CD7: variants seen among roughly 807,000 people sequenced by gnomAD.
CD7 encodes T-cell antigen CD7.
Under a neutral mutation model 17.6 loss-of-function variants are expected in CD7, and 19 were observed. That is an observed-to-expected ratio of 1.08 (90% confidence interval 0.75 to 1.58). CD7 has a LOEUF of 1.58. Among genes scored for constraint, CD7 ranks in the 40% most tolerant of loss-of-function variants. The pLI is 0.00. For synonymous variants in CD7, 160 were observed against 159.8 expected, an observed-to-expected ratio of 1.00 and a Z score of -0.01; for missense variants, 291 against 327.1, an observed-to-expected ratio of 0.89 and a Z score of 0.85.
intron 3 of CD7, chr17:82,315,954 T>TGCACACAC: frequency 1.6e-6 from 1 of 628,696 alleles, no homozygotes; most frequent in South Asian, 1.9e-5. Flanking sequence ...CACTCACACC[T>TGCACACAC]GCACACGCGC....
intron 1 of CD7, 150 bp downstream of exon 1, chr17:82,317,264 T>G: frequency 1.2e-6 from 1 of 806,156 alleles, no homozygotes. Flanking sequence ...CCCTTTTTCC[T>G]TCTCTTAAAT....
intron 3 of CD7, 183 bp from the exon 4 acceptor site, chr17:82,315,614 C>T (rs1370865673): frequency 1.2e-5 from 7 of 585,374 alleles, no homozygotes; most frequent in African/African-American, 1.9e-5. Flanking sequence ...TGGGTCGGAC[C>T]CTGGGGTGCC....
chr17:82,315,800 C>A, intron 3 of CD7: 2 of 575,572 alleles, frequency 3.5e-6, no homozygotes, highest in Middle Eastern at 4.6e-4. Context: ...CGGCACACTC[C>A]AACATGCACG....
chr17:82,317,262 C>T (rs2052026336), intron 1 of CD7, 152 bp downstream of exon 1: 3 of 799,384 alleles, frequency 3.8e-6, no homozygotes, highest in South Asian at 3.4e-5. Flanking sequence ...CACCCTTTTT[C>T]CTTCTCTTAA....
intron 1 of CD7, 26 bp downstream of exon 1, chr17:82,317,388 C>A: frequency 1.3e-6 from 2 of 1,543,316 alleles, no homozygotes; most frequent in Non-Finnish European, 1.7e-6. Flanking sequence ...GGAGCTGTGG[C>A]CATGGAGAGC....
Position 82,316,675 on chromosome 17 carries a change from AGGACCAG to A in CD7, c.382_388del (p.Leu128TrpfsTer2). 3 of 1,611,268 alleles carry A rather than the reference AGGACCAG, an allele frequency of 1.9e-6. No individual in the cohort carries two copies. Among genetic ancestry groups the A allele is most frequent in the Non-Finnish European group, 2.5e-6 (3 of 1,179,928 alleles). Reference sequence around the variant, plus strand: ...ATGGGCACATTCCCTACCTGTCACCAGGACCAGGGTGCCGGAGCCGTAGACATTGACC... The same window carrying A: ...ATGGGCACATTCCCTACCTGTCACCAGGTGCCGGAGCCGTAGACATTGACC... On this transcript the variant is annotated frameshift_variant, in exon 2 of 4. Transcript: ENST00000312648. LOFTEE classifies it high-confidence loss of function.
At chr17:82,317,100 C>T (rs1357497166) in intron 1 of CD7, 119 bp from the exon 2 acceptor site, 15 of 950,318 alleles carry the variant, frequency 1.6e-5, no homozygotes, top group South Asian at 5.1e-5. Context: ...GACATGTCGC[C>T]AAAGACACGG....
intron 2 of CD7, 97 bp from the exon 3 acceptor site, chr17:82,316,506 A>T: frequency 7.8e-7 from 1 of 1,276,156 alleles, no homozygotes; most frequent in Non-Finnish European, 1.1e-6. Context: ...TGTGGAGGGG[A>T]GGAGGGGCAG....
chr17:82,317,017 C>G (rs1424985408), intron 1 of CD7, 36 bp from the exon 2 acceptor site: 1 of 1,526,140 alleles, frequency 6.6e-7, no homozygotes, highest in Admixed American at 1.9e-5. Context: ...TCAGTCTGGC[C>G]AGAAGGACAG....
rs1443620452 is a variant in CD7, at chr17:82,316,814, A to G, written c.250T>C (p.Phe84Leu). ...DGVVPTTDRR[F>L]RGRIDFSGSQ... ...CCTGAGAAGTCGATGCGGCCCCGGA[A>G]CCGTCTGTCCGTAGTGGGCACCACC... The change falls in exon 2 of 4, where the codon TTC becomes CTC. Residue 84 changes from phenylalanine to leucine, a missense_variant. Phe to Leu is a conservative substitution (Grantham distance 22, BLOSUM62 0). Coordinates refer to ENST00000312648, the MANE Select transcript of CD7 (RefSeq NM_006137.7). 3.1e-6 allele frequency: 5 copies of G among 1,613,788 alleles called. No homozygotes were observed. The highest frequency in any genetic ancestry group is 1.3e-5 in the African/African-American group (1 of 74,892).
intron 1 of CD7, 198 bp from the exon 2 acceptor site, chr17:82,317,179 C>T (rs2052025475): frequency 1.4e-5 from 9 of 663,136 alleles, no homozygotes; most frequent in African/African-American, 1.8e-5. Flanking sequence ...TCCTCGTGTT[C>T]CGAGACTGTG....
At chr17:82,315,948 C>T (rs551655873) in intron 3 of CD7, 8 of 630,164 alleles carry the variant, frequency 1.3e-5, no homozygotes, top group Non-Finnish European at 2.2e-5. Context: ...CTCAGACACT[C>T]ACACCTGCAC....
intron 2 of CD7, 62 bp downstream of exon 2, chr17:82,316,605 G>A (rs773633473): frequency 1.3e-6 from 2 of 1,532,890 alleles, no homozygotes; most frequent in East Asian, 4.5e-5. Context: ...AAGGGCTGGG[G>A]GAGCAGAGCC....
Position 82,316,536 on chromosome 17 carries a change from G to T in CD7, c.398-127C>A. The T allele has an allele frequency of 3.1e-6, 4 of 1,275,678 alleles. No homozygotes were observed. In the South Asian group the frequency reaches 5.1e-5, roughly 16 times the overall value. 79.0% of individuals were successfully genotyped at this position (1,275,678 alleles called of 1,614,324 possible). ...GGGCAGCTATCTAGGAGGCTGCTGG[G>T]GGCAGTGGGCTGGGAGCTGGAACAG... On this transcript the variant is annotated intron_variant, in intron 2 of 3. Coordinates refer to ENST00000312648, the MANE Select transcript of CD7 (RefSeq NM_006137.7).
rs747321476 is a variant in CD7, at chr17:82,316,689, G to T, written c.375C>A (p.Ser125=). Residue 125 remains serine, a synonymous_variant, in exon 2 of 4, where the codon TCC becomes TCA. Coordinates refer to ENST00000312648, the MANE Select transcript of CD7 (RefSeq NM_006137.7). ...TACCTGTCACCAGGACCAGGGTGCC[G>T]GAGCCGTAGACATTGACCTCCGTGA... The part of the protein sequence containing the change: ...QAITEVNVYG[S]GTLVLVTEEQ... 1.2e-6 allele frequency: 2 copies of T among 1,612,672 alleles called. No homozygotes were observed. The highest frequency in any genetic ancestry group is 2.2e-5 in the East Asian group (1 of 44,884).
rs34579511 is a variant in CD7 at position 82,316,727 on chromosome 17, T to A, written c.337A>T (p.Thr113Ser). The A allele has an allele frequency of 6.2e-7, 1 of 1,613,248 alleles. No homozygotes were observed. Among genetic ancestry groups the A allele is most frequent in the Admixed American group, 1.7e-5 (1 of 59,972 alleles). Residue 113 changes from threonine to serine, a missense_variant, in exon 2 of 4, where the codon ACC becomes TCC. Transcript: ENST00000312648. Reference sequence around the variant, plus strand: ...TTGACCTCCGTGATGGCCTGGCAGGTGTAGGTGCCAGTGTCCGACAGCTGC... The same window carrying A: ...TTGACCTCCGTGATGGCCTGGCAGGAGTAGGTGCCAGTGTCCGACAGCTGC... ...RLQLSDTGTY[T>S]CQAITEVNVY...
At chr17:82,316,579 G>C in intron 2 of CD7, 88 bp downstream of exon 2, 1 of 1,437,646 alleles carries the variant, frequency 7.0e-7, no homozygotes, top group Non-Finnish European at 9.7e-7. Context: ...ACATGTAGGA[G>C]GGAGGGTCCC....
chr17:82,315,792 G>A, intron 3 of CD7: 2 of 568,480 alleles, frequency 3.5e-6, no homozygotes, highest in Non-Finnish European at 6.3e-6. Flanking sequence ...CAGCACGCCG[G>A]CACACTCCAA....
chr17:82,315,836 C>A lies in CD7; in HGVS notation c.612+359G>T, dbSNP rs186134723. On this transcript the variant is annotated intron_variant, in intron 3 of 3. Coordinates refer to ENST00000312648, the MANE Select transcript of CD7 (RefSeq NM_006137.7). The stretch of plus-strand genomic sequence containing the variant: ...CACAGTCCTCAGAGATCCCCACACA[C>A]AGGCTCACACCTGCACACGTGCACA... The A allele has an allele frequency of 1.3e-4, 77 of 592,108 alleles. No homozygotes were observed. In the East Asian group the frequency reaches 2.0e-3, roughly 16 times the overall value. 36.7% of individuals were successfully genotyped at this position (592,108 alleles called of 1,614,324 possible). A position where few individuals can be genotyped will look rare whatever the true frequency, so the allele number is the denominator to read the frequency against.
Sources: allele counts gnomAD v4.1 joint callset, GRCh38; gene constraint gnomAD v4.1.1; transcripts MANE v1.5; gene names NCBI Gene and HGNC (gene_info 2026-07-23, HGNC 2026-07-21).